C6: variants seen among roughly 807,000 people sequenced by gnomAD.
C6 encodes the protein complement component C6.
A neutral mutation model predicts 112.9 loss-of-function variants in C6; 101 were observed. The ratio of observed to expected loss-of-function variants is 0.89; its 90% CI spans 0.76 to 1.06. The LOEUF (loss-of-function observed/expected upper bound fraction) is 1.06, where lower values mean the gene tolerates loss of function less well. Among genes scored for constraint, C6 ranks in the 50% least tolerant of loss-of-function variants. The pLI is 0.00. For missense variants in C6, 1,202 were observed against 1,104.6 expected, an observed-to-expected ratio of 1.09 and a Z score of -1.25; for synonymous variants, 431 against 384.1, an observed-to-expected ratio of 1.12 and a Z score of -1.43.
chr5:41,247,332 A>G (rs1460126127), intron 1 of C6, among the ~76,000 whole-genome samples: 1 of 152,216 alleles, frequency 6.6e-6, no homozygotes, highest in Non-Finnish European at 1.5e-5. Flanking sequence ...ACGTCAGTAA[A>G]ATTTTAGGGT....
At chr5:41,252,627 T>C (rs1251325014) in intron 1 of C6, among the ~76,000 whole-genome samples, 1 of 152,230 alleles carries the variant, frequency 6.6e-6, no homozygotes, top group East Asian at 1.9e-4. Flanking sequence ...TTTGGGAGAA[T>C]TTTACCTTCT....
intron 11 of C6, 95 bp from the exon 12 acceptor site, chr5:41,159,348 G>A: frequency 2.6e-6 from 4 of 1,519,090 alleles, no homozygotes; most frequent in South Asian, 1.2e-5. Context: ...TTTTAGCTCA[G>A]TAACTTCCTT....
Position 41,213,406 on chromosome 5 carries a change from C to G in C6, c.-51G>C, listed in dbSNP as rs1752064442. 1.0e-6 allele frequency: 1 copy of G among 985,110 alleles called. No homozygotes were observed. 61.0% of individuals were successfully genotyped at this position (985,110 alleles called of 1,614,324 possible). A position where few individuals can be genotyped will look rare whatever the true frequency, so the allele number is the denominator to read the frequency against. ...AGCAGAGTTTGTGGTGTCCTCGGAC[C>G]TAAGCTGCAAATTATTGGGGAAAAA... On this transcript the variant is annotated 5_prime_UTR_variant, in exon 1 of 18. Transcript: ENST00000337836.
chr5:41,260,461 A>T (rs1741983666), intron 1 of C6, among the ~76,000 whole-genome samples: 1 of 137,552 alleles, frequency 7.3e-6, no homozygotes, highest in Non-Finnish European at 1.5e-5. Context: ...CCCCCCCAAA[A>T]CAAACAAACA....
intron 6 of C6, among the ~76,000 whole-genome samples, chr5:41,185,425 A>G (rs1385352754): frequency 6.6e-6 from 1 of 152,188 alleles, no homozygotes; most frequent in Non-Finnish European, 1.5e-5. Context: ...CGTCACCATT[A>G]AAACGTGTAT....
chr5:41,246,487 C>G (rs1021980573), intron 1 of C6, among the ~76,000 whole-genome samples: 1 of 152,126 alleles, frequency 6.6e-6, no homozygotes, highest in African/African-American at 2.4e-5. Context: ...CAGAGAGTGT[C>G]CAAAGTAATC....
chr5:41,149,616 G>T, intron 16 of C6, 134 bp from the exon 17 acceptor site: 1 of 1,124,776 alleles, frequency 8.9e-7, no homozygotes, highest in Non-Finnish European at 1.3e-6. Context: ...CAAGCCCTGG[G>T]CTTGAGTGAG....
At position 41,203,078 on chromosome 5, in the gene C6, TCA is replaced by T; in HGVS notation, c.143+8_143+9del. On this transcript the variant is annotated splice_region_variant and intron_variant, in intron 2 of 17. Transcript: ENST00000337836. ...AGGACACAAAGAAAAGCCACAAAGCTCACACCCACCTGTGTCTGCTCTGGGTT... is the reference window on the plus strand; with the variant it reads ...AGGACACAAAGAAAAGCCACAAAGCTCACCCACCTGTGTCTGCTCTGGGTT... 6.2e-7 allele frequency: 1 copy of T among 1,613,760 alleles called. No individual in the cohort carries two copies. The highest frequency in any genetic ancestry group is 8.5e-7 in the Non-Finnish European group (1 of 1,179,864).
At chr5:41,197,352 T>G (rs1163714040) in intron 4 of C6, among the ~76,000 whole-genome samples, 1 of 152,170 alleles carries the variant, frequency 6.6e-6, no homozygotes, top group Admixed American at 6.6e-5. Flanking sequence ...TGAAAGATGC[T>G]CTATTTTTAA....
At chr5:41,146,074 T>C (rs1008728682) in intron 17 of C6, among the ~76,000 whole-genome samples, 2 of 152,176 alleles carry the variant, frequency 1.3e-5, no homozygotes, top group Non-Finnish European at 2.9e-5. Context: ...ATGTAATTAT[T>C]GTCTAATGTT....
chr5:41,234,524 C>G (rs1443283696), intron 1 of C6, among the ~76,000 whole-genome samples: 1 of 151,930 alleles, frequency 6.6e-6, no homozygotes, highest in African/African-American at 2.4e-5. Context: ...GAGATTTAAT[C>G]TAGAAAGTGA....
chr5:41,245,623 T>C (rs192509580), intron 1 of C6, among the ~76,000 whole-genome samples: 4 of 152,334 alleles, frequency 2.6e-5, no homozygotes, highest in African/African-American at 9.6e-5. Flanking sequence ...CAAAGTGGCT[T>C]TCAAAAAAAA....
chr5:41,183,778 T>G (rs370330343), intron 6 of C6, among the ~76,000 whole-genome samples: 2 of 152,300 alleles, frequency 1.3e-5, no homozygotes, highest in Non-Finnish European at 1.5e-5. Context: ...GGTACATATG[T>G]GCCATGGAAT....
At chr5:41,167,979 T>C (rs1344084833) in intron 9 of C6, among the ~76,000 whole-genome samples, 3 of 152,154 alleles carry the variant, frequency 2.0e-5, no homozygotes, top group Non-Finnish European at 4.4e-5. Flanking sequence ...ATTTACCTTA[T>C]TCCTGCCCTA....
chr5:41,257,539 A>G (rs962797109), intron 1 of C6, among the ~76,000 whole-genome samples: 1 of 152,166 alleles, frequency 6.6e-6, no homozygotes, highest in Non-Finnish European at 1.5e-5. Flanking sequence ...ATACCCAGCA[A>G]TAGGACTGCT....
At chr5:41,175,608 T>C (rs985027879) in intron 8 of C6, among the ~76,000 whole-genome samples, 1 of 152,198 alleles carries the variant, frequency 6.6e-6, no homozygotes, top group Non-Finnish European at 1.5e-5. Context: ...ACTGACCTGA[T>C]CCCTAAGCAT....
At chr5:41,226,602 C>A (rs76013364) in intron 1 of C6, among the ~76,000 whole-genome samples, 3,696 of 152,226 alleles carry the variant, frequency 0.024, 169 homozygotes, top group African/African-American at 0.084. Context: ...ACATCTCCCC[C>A]ATTCCTATCA....
intron 2 of C6, among the ~76,000 whole-genome samples, chr5:41,202,116 G>A (rs1419507736): frequency 1.3e-5 from 2 of 152,130 alleles, no homozygotes; most frequent in Non-Finnish European, 2.9e-5. Flanking sequence ...AAACTGCTTG[G>A]AGGAGGACAA....
intron 1 of C6, among the ~76,000 whole-genome samples, chr5:41,258,824 A>G (rs1185631336): frequency 6.6e-6 from 1 of 152,204 alleles, no homozygotes; most frequent in African/African-American, 2.4e-5. Context: ...AATGAGTGCA[A>G]GCAGGGGAAA....
Sources: allele counts gnomAD v4.1 joint callset (sites outside exome capture counted in the v4.1 genomes callset), GRCh38; gene constraint gnomAD v4.1.1; transcripts MANE v1.5; gene names NCBI Gene and HGNC (gene_info 2026-07-23, HGNC 2026-07-21).